PCSK6: variants seen among roughly 807,000 people sequenced by gnomAD.
PCSK6 encodes the protein paired basic amino acid cleaving enzyme 4.
A neutral mutation model predicts 123.3 loss-of-function variants in PCSK6; 85 were observed. That is an observed-to-expected ratio of 0.69 (90% confidence interval 0.58 to 0.83). The LOEUF (loss-of-function observed/expected upper bound fraction) is 0.83. Among genes scored for constraint, PCSK6 ranks in the 40% least tolerant of loss-of-function variants. The probability of loss-of-function intolerance (pLI) is 0.00; values close to 1 mark genes in which losing one functional copy is unlikely to be tolerated. For synonymous variants in PCSK6, 508 were observed against 516.0 expected, an observed-to-expected ratio of 0.98 and a Z score of 0.21; for missense variants, 1,191 against 1,282.3, an observed-to-expected ratio of 0.93 and a Z score of 1.09.
intron 6 of PCSK6, among the ~76,000 whole-genome samples, chr15:101,419,164 C>T (rs574906204): frequency 6.6e-6 from 1 of 151,878 alleles, no homozygotes; most frequent in Admixed American, 6.6e-5. Context: ...ATTATATTTA[C>T]AGATAGCTAT....
chr15:101,425,905 C>T (rs548982558), intron 6 of PCSK6, among the ~76,000 whole-genome samples: 1 of 152,306 alleles, frequency 6.6e-6, no homozygotes, highest in East Asian at 1.9e-4. Flanking sequence ...CAGGTGTTAC[C>T]TACCTGTGAG....
At chr15:101,425,635 T>C (rs201212837) in intron 6 of PCSK6, among the ~76,000 whole-genome samples, 9 of 47,430 alleles carry the variant, frequency 1.9e-4, no homozygotes, top group Non-Finnish European at 4.0e-4. Context: ...TTTATATACA[T>C]ATATATATAT....
chr15:101,394,918 C>T (rs1044450817), intron 7 of PCSK6, among the ~76,000 whole-genome samples: 3 of 152,172 alleles, frequency 2.0e-5, no homozygotes, highest in Admixed American at 6.5e-5. Flanking sequence ...GTCGGGGTGG[C>T]CAAGAGCTCA....
chr15:101,362,064 C>T (rs557714318), intron 13 of PCSK6, among the ~76,000 whole-genome samples: 1 of 147,894 alleles, frequency 6.8e-6, no homozygotes, highest in African/African-American at 2.5e-5. Flanking sequence ...TCACACCATT[C>T]TCTTCCCTCA....
chr15:101,311,176 T>C (rs953602190), intron 20 of PCSK6, among the ~76,000 whole-genome samples: 3 of 151,996 alleles, frequency 2.0e-5, no homozygotes, highest in Non-Finnish European at 2.9e-5. Flanking sequence ...CATGGTGCGA[T>C]CATAGCTCAC....
intron 13 of PCSK6, among the ~76,000 whole-genome samples, chr15:101,353,849 G>A (rs1392006382): frequency 6.6e-6 from 1 of 152,206 alleles, no homozygotes; most frequent in Non-Finnish European, 1.5e-5. Flanking sequence ...GCCCCTTCCA[G>A]GCAGGTGAGC....
rs79481705 is a variant in PCSK6 at position 101,384,859 on chromosome 15, T to G, written c.1311-434A>C. Among the ~76,000 whole-genome samples the G allele has an allele frequency of 0.013, 1,936 of 152,366 alleles. 130 individuals carry two copies. In the East Asian group the frequency reaches 0.17, roughly 13 times the overall value. On this transcript the variant is annotated intron_variant, in intron 9 of 21. Transcript: ENST00000611716. Reference sequence around the variant, plus strand: ...GAGATTCCATCCTGTGTGGACCCACTGGCTGTAGATTATAATTCAAGATTT... The same window carrying G: ...GAGATTCCATCCTGTGTGGACCCACGGGCTGTAGATTATAATTCAAGATTT...
chr15:101,410,790 C>T (rs1226242573), intron 6 of PCSK6, among the ~76,000 whole-genome samples: 1 of 152,212 alleles, frequency 6.6e-6, no homozygotes, highest in Non-Finnish European at 1.5e-5. Context: ...TCTGCGCTGC[C>T]TCTTGGCAGC....
Position 101,332,011 on chromosome 15 carries a change from G to A in PCSK6, c.1879C>T (p.Leu627Phe). 1 of 1,599,266 alleles carries A rather than the reference G, an allele frequency of 6.3e-7. No homozygotes were observed. Among genetic ancestry groups the A allele is most frequent in the Non-Finnish European group, 8.5e-7 (1 of 1,170,080 alleles). The change falls in exon 14 of 22, where the codon CTC becomes TTC. Residue 627 changes from leucine to phenylalanine, a missense_variant. Physicochemically the swap from Leu to Phe is conservative, Grantham distance 22. Around this residue, in one of 3 missense-constraint regions of PCSK6, gnomAD observed 630 missense variants for 631.4 expected, o/e 1.00. Transcript: ENST00000611716. ...EKQGKLKEWSLILYGTAEHPY... is the reference protein window; with the variant it reads ...EKQGKLKEWSFILYGTAEHPY... ...TGCTCTGCTGTGCCATACAGTATGA[G>A]GCTCCATTCTTTCAACTTCCCTGGA...
chr15:101,371,507 T>C (rs2041586091), intron 11 of PCSK6, among the ~76,000 whole-genome samples: 1 of 152,184 alleles, frequency 6.6e-6, no homozygotes, highest in Non-Finnish European at 1.5e-5. Context: ...AGACTAGCAT[T>C]GAAAATAGAA....
intron 1 of PCSK6, among the ~76,000 whole-genome samples, chr15:101,447,911 G>A (rs966835325): frequency 6.6e-6 from 1 of 152,222 alleles, no homozygotes; most frequent in African/African-American, 2.4e-5. Context: ...GGCCCTGGCA[G>A]CCTCCTCCTC....
intron 6 of PCSK6, among the ~76,000 whole-genome samples, chr15:101,427,197 C>A (rs556003225): frequency 6.6e-6 from 1 of 151,862 alleles, no homozygotes; most frequent in South Asian, 2.1e-4. Context: ...CAAGACCAGA[C>A]GCACGCGGGG....
intron 11 of PCSK6, among the ~76,000 whole-genome samples, chr15:101,373,067 A>AGCTCTGTG (rs1280678913): frequency 2.0e-5 from 3 of 151,402 alleles, no homozygotes; most frequent in Admixed American, 1.3e-4. Context: ...CCCCACCCAC[A>AGCTCTGTG]GAGCGAACAC....
At chr15:101,318,542 G>T in intron 18 of PCSK6, 120 bp from the exon 19 acceptor site, 1 of 837,910 alleles carries the variant, frequency 1.2e-6, no homozygotes, top group Non-Finnish European at 1.9e-6. Context: ...TTGTGTCACC[G>T]AAAGTTCTCA....
chr15:101,382,089 T>A lies in PCSK6; in HGVS notation c.1532+3A>T. ...AGTCACCGATGCCACAGCAGAGCCT[T>A]ACCTGGGTCTCTTGTCCGAGGCGGC... On this transcript the variant is annotated splice_donor_region_variant and intron_variant, in intron 11 of 21. Transcript: ENST00000611716. The A allele has an allele frequency of 6.3e-7, 1 of 1,595,628 alleles. No individual in the cohort carries two copies. The highest frequency in any genetic ancestry group is 8.6e-7 in the Non-Finnish European group (1 of 1,169,344).
intron 1 of PCSK6, among the ~76,000 whole-genome samples, chr15:101,466,028 C>T (rs1048902070): frequency 6.6e-6 from 1 of 151,956 alleles, no homozygotes; most frequent in African/African-American, 2.4e-5. Context: ...TCTCAACACA[C>T]CAATCAAAAG....
chr15:101,390,301 T>C (rs7180736), intron 8 of PCSK6, among the ~76,000 whole-genome samples: 33,240 of 53,312 alleles, frequency 0.62, 8,800 homozygotes, highest in Non-Finnish European at 0.68. Flanking sequence ...AAACGGGAAG[T>C]GGGTGCTGGG....
intron 15 of PCSK6, among the ~76,000 whole-genome samples, chr15:101,328,777 T>G (rs1318021457): frequency 6.6e-6 from 1 of 152,192 alleles, no homozygotes; most frequent in African/African-American, 2.4e-5. Context: ...AGGGTGGAGA[T>G]GCCTAGATGA....
At chr15:101,381,220 T>C (rs1397600376) in intron 11 of PCSK6, among the ~76,000 whole-genome samples, 1 of 152,024 alleles carries the variant, frequency 6.6e-6, no homozygotes, top group African/African-American at 2.4e-5. Flanking sequence ...AAAAACTAGC[T>C]GGGCATGGTG....
Sources: gnomAD v4.1 joint callset for allele counts (sites outside exome capture counted in the v4.1 genomes callset) on GRCh38, gnomAD v4.1.1 for gene constraint, gnomAD v4.1.1 regional missense constraint, MANE v1.5 for transcripts, NCBI Gene and HGNC (gene_info 2026-07-23, HGNC 2026-07-21) for gene names.